The following ABCC4 variants were observed in gnomAD, a reference collection of about 807,000 sequenced individuals.
The protein encoded by ABCC4 is ATP-binding cassette sub-family C member 4.
A neutral mutation model predicts 168.5 loss-of-function variants in ABCC4; 102 were observed. The observed-to-expected ratio is 0.61, with a 90% confidence interval of 0.52 to 0.71. The LOEUF (loss-of-function observed/expected upper bound fraction) is 0.71. Among genes scored for constraint, ABCC4 ranks in the 30% least tolerant of loss-of-function variants. The pLI is 0.00. For synonymous variants in ABCC4, 617 were observed against 590.7 expected (o/e 1.04, Z -0.65); for missense variants, 1,402 against 1,605.8 (o/e 0.87, Z 2.17).
chr13:95,180,141 T>C (rs1326480493), intron 11 of ABCC4, among the ~76,000 whole-genome samples: 2 of 152,286 alleles, frequency 1.3e-5, no homozygotes, highest in African/African-American at 4.8e-5. Flanking sequence ...AATACTCCAA[T>C]CTGAACCAGA....
intron 1 of ABCC4, among the ~76,000 whole-genome samples, chr13:95,270,309 G>T (rs1377227397): frequency 1.0e-5 from 1 of 97,224 alleles, no homozygotes; most frequent in Non-Finnish European, 2.2e-5. Context: ...AGTGATTTAA[G>T]AAAAGTAAAT....
chr13:95,194,424 A>G (rs1566512947), intron 9 of ABCC4, among the ~76,000 whole-genome samples: 1 of 152,150 alleles, frequency 6.6e-6, no homozygotes, highest in South Asian at 2.1e-4. Context: ...TAATAAGATG[A>G]CCTGAAAACG....
At chr13:95,158,239 G>A (rs1311960994) in intron 19 of ABCC4, among the ~76,000 whole-genome samples, 3 of 152,106 alleles carry the variant, frequency 2.0e-5, no homozygotes, top group Admixed American at 6.6e-5. Flanking sequence ...CACCAGCAAG[G>A]GTCGCCCATT....
intron 1 of ABCC4, among the ~76,000 whole-genome samples, chr13:95,269,955 G>T (rs1363263155): frequency 6.6e-6 from 1 of 152,190 alleles, no homozygotes; most frequent in East Asian, 1.9e-4. Context: ...TAGAAGGAGG[G>T]TTAAGATTGG....
chr13:95,043,391 C>T, intron 29 of ABCC4: 1 of 331,810 alleles, frequency 3.0e-6, no homozygotes, highest in Non-Finnish European at 5.6e-6. Flanking sequence ...TTGGATACTA[C>T]TCCGTAGTAT....
chr13:95,147,636 T>C (rs572472805), intron 19 of ABCC4, among the ~76,000 whole-genome samples: 3 of 152,318 alleles, frequency 2.0e-5, no homozygotes, highest in African/African-American at 7.2e-5. Context: ...GGTGAATACA[T>C]AGAATTTATA....
intron 20 of ABCC4, among the ~76,000 whole-genome samples, chr13:95,084,796 C>G (rs2034204435): frequency 6.6e-6 from 1 of 152,216 alleles, no homozygotes; most frequent in African/African-American, 2.4e-5. Context: ...TGTTCACTTA[C>G]CCATCACCTC....
intron 3 of ABCC4, among the ~76,000 whole-genome samples, chr13:95,236,830 T>C (rs1238938087): frequency 6.6e-6 from 1 of 152,154 alleles, no homozygotes; most frequent in East Asian, 1.9e-4. Flanking sequence ...CCCAGTACAA[T>C]GGGTCATAAC....
chr13:95,174,628 G>A (rs879314124), intron 13 of ABCC4, among the ~76,000 whole-genome samples: 2 of 152,216 alleles, frequency 1.3e-5, no homozygotes, highest in Non-Finnish European at 2.9e-5. Flanking sequence ...GAGCTTGTGC[G>A]ATACGCACAC....
intron 20 of ABCC4, among the ~76,000 whole-genome samples, chr13:95,086,087 T>TTGTGTGTGTGTGTGTGTGTGTGTGTG: frequency 7.0e-6 from 1 of 142,090 alleles, no homozygotes; most frequent in African/African-American, 2.6e-5. Context: ...TTTAAGGTTA[T>TTGTGTGTGTGTGTGTGTGTGTGTGTG]TGTGTGTGTG....
In ABCC4 at chr13:95,075,439, T is replaced by C. The variant is rs2033864386; in HGVS notation, c.2799A>G (p.Leu933=). The C allele has an allele frequency of 6.2e-7, 1 of 1,614,100 alleles. No individual in the cohort carries two copies. The highest frequency in any genetic ancestry group is 1.1e-5 in the South Asian group (1 of 91,072). Residue 933 remains leucine (L), a synonymous_variant, in exon 22 of 31, where the codon TTA becomes TTG. Transcript: ENST00000645237. ...CQELFDAHQD[L]HSEAWFLFLT... Reference sequence around the variant, plus strand: ...TTCCAGAAATAGACAGACCTGAATGTAAATCCTGGTGTGCATCAAACAGTT... The same window carrying C: ...TTCCAGAAATAGACAGACCTGAATGCAAATCCTGGTGTGCATCAAACAGTT...
At chr13:95,044,580 T>A in intron 27 of ABCC4, 142 bp from the exon 28 acceptor site, 1 of 628,144 alleles carries the variant, frequency 1.6e-6, no homozygotes, top group Non-Finnish European at 2.5e-6. Context: ...GAATTACCTC[T>A]AGTTAATGTT....
At chr13:95,177,926 G>A in intron 12 of ABCC4, 71 bp downstream of exon 12, 1 of 1,533,664 alleles carries the variant, frequency 6.5e-7, no homozygotes, top group Non-Finnish European at 9.0e-7. Flanking sequence ...CAGTAAGCAG[G>A]TCCTATGTGC....
At chr13:95,118,646 C>T (rs1457026380) in intron 19 of ABCC4, among the ~76,000 whole-genome samples, 6 of 152,204 alleles carry the variant, frequency 3.9e-5, no homozygotes, top group Non-Finnish European at 8.8e-5. Context: ...AAATCAAACA[C>T]TTATGATAAA....
chr13:95,170,653 G>GA (rs1431045191), intron 13 of ABCC4, 25 bp from the exon 14 acceptor site: 17 of 1,447,398 alleles, frequency 1.2e-5, no homozygotes, highest in Admixed American at 1.1e-4. Flanking sequence ...GGCACAGGGT[G>GA]AAAAAATGCA....
At chr13:95,056,356 G>T (rs2033056140) in intron 26 of ABCC4, among the ~76,000 whole-genome samples, 1 of 151,958 alleles carries the variant, frequency 6.6e-6, no homozygotes, top group African/African-American at 2.4e-5. Flanking sequence ...TTAAATCTTG[G>T]TTTCCCTTCT....
At chr13:95,221,940 T>C (rs1472297670) in intron 4 of ABCC4, among the ~76,000 whole-genome samples, 1 of 152,196 alleles carries the variant, frequency 6.6e-6, no homozygotes, top group Non-Finnish European at 1.5e-5. Context: ...CGCCATCCTC[T>C]AGTACAGAAA....
intron 19 of ABCC4, among the ~76,000 whole-genome samples, chr13:95,120,567 C>CAA (rs35906536): frequency 0.019 from 1,753 of 90,744 alleles, 71 homozygotes; most frequent in African/African-American, 0.071. Flanking sequence ...GAGACTCCGT[C>CAA]AAAAAAAAAA....
At chr13:95,279,175 T>C (rs761030696) in intron 1 of ABCC4, among the ~76,000 whole-genome samples, 3 of 152,230 alleles carry the variant, frequency 2.0e-5, no homozygotes, top group Non-Finnish European at 4.4e-5. Flanking sequence ...CATGCTATGC[T>C]GTTGGAGGCA....
Sources: allele counts gnomAD v4.1 joint callset (sites outside exome capture counted in the v4.1 genomes callset), GRCh38; gene constraint gnomAD v4.1.1; transcripts MANE v1.5; gene names NCBI Gene and HGNC (gene_info 2026-07-23, HGNC 2026-07-21).